CCM2L: variants seen among roughly 807,000 people sequenced by gnomAD.
CCM2L encodes the protein CCM2 like scaffold protein, also known as cerebral cavernous malformations 2 protein-like.
Under a neutral mutation model 54.1 loss-of-function variants are expected in CCM2L, and 36 were observed. The observed-to-expected ratio is 0.67, with a 90% CI of 0.51 to 0.88. The LOEUF is 0.88. Ranked by LOEUF, CCM2L falls within the 40% of genes least tolerant of loss-of-function variation. The pLI, the probability that CCM2L is intolerant of heterozygous loss-of-function variation, is 0.00. For missense variants in CCM2L, 700 were observed against 812.1 expected (o/e 0.86, Z 1.68); for synonymous variants, 351 against 359.3 (o/e 0.98, Z 0.26).
In CCM2L at chr20:32,029,716, G is replaced by A. The variant is rs939007875; in HGVS notation, c.1280G>A (p.Gly427Glu). The change falls in exon 9 of 10, where the codon GGG becomes GAG. Residue 427 changes from glycine to glutamate, a missense_variant. Physicochemically the swap from Gly to Glu is moderately conservative, Grantham distance 98. Coordinates refer to ENST00000452892, the MANE Select transcript of CCM2L (RefSeq NM_001365692.1). Reference protein sequence around the residue: ...DYMVTLRSKLGPLEIQQFAML... With the variant: ...DYMVTLRSKLEPLEIQQFAML... Reference sequence around the variant, plus strand: ...CCCACATAGTTGCGGAGTAAGCTGGGGCCCCTCGAGATCCAGCAGTTTGCG... The same window carrying A: ...CCCACATAGTTGCGGAGTAAGCTGGAGCCCCTCGAGATCCAGCAGTTTGCG... The A allele has an allele frequency of 6.2e-7, 1 of 1,611,422 alleles. No individual in the cohort carries two copies. Among genetic ancestry groups the A allele is most frequent in the Non-Finnish European group, 8.5e-7 (1 of 1,178,634 alleles).
intron 5 of CCM2L, 120 bp from the exon 6 acceptor site, chr20:32,022,540 A>G (rs1568920565): frequency 1.7e-6 from 2 of 1,172,722 alleles, no homozygotes; most frequent in East Asian, 5.1e-5. Flanking sequence ...TTGAAAGCCA[A>G]TTTAAAGGGC....
chr20:32,026,121 C>G (rs577989741), intron 7 of CCM2L, among the ~76,000 whole-genome samples: 1 of 152,338 alleles, frequency 6.6e-6, no homozygotes, highest in South Asian at 2.1e-4. Context: ...CACCAGAACT[C>G]AGATGTGGGT....
chr20:32,013,513 C>A (rs2064711558), intron 1 of CCM2L, among the ~76,000 whole-genome samples: 1 of 152,134 alleles, frequency 6.6e-6, no homozygotes, highest in South Asian at 2.1e-4. Flanking sequence ...GCAATCGCAG[C>A]TCACAGCAGC....
Position 32,017,876 on chromosome 20 carries a change from C to T in CCM2L, c.275C>T (p.Thr92Ile), listed in dbSNP as rs1327319679. Residue 92 changes from threonine (T) to isoleucine (I), a missense_variant, in exon 3 of 10, where the codon ACC (threonine) becomes ATC (isoleucine). Thr to Ile is a moderately conservative substitution (Grantham distance 89). Transcript: ENST00000452892. ...SRDELLQLLDTARQLKELPLK... is the reference protein window; with the variant it reads ...SRDELLQLLDIARQLKELPLK... Reference sequence around the variant, plus strand: ...GACGAGCTCCTGCAGCTGCTAGACACCGCCAGGGTGAGACTCTGGGGAGGG... The same window carrying T: ...GACGAGCTCCTGCAGCTGCTAGACATCGCCAGGGTGAGACTCTGGGGAGGG... 1 of 1,613,982 alleles carries T rather than the reference C, an allele frequency of 6.2e-7. No individual in the cohort carries two copies. The highest frequency in any genetic ancestry group is 8.5e-7 in the Non-Finnish European group (1 of 1,179,964).
intron 8 of CCM2L, 30 bp from the exon 9 acceptor site, chr20:32,029,670 G>A: frequency 6.3e-7 from 1 of 1,577,918 alleles, no homozygotes; most frequent in South Asian, 1.2e-5. Context: ...TGCTTCCTGG[G>A]ATTGATCTCG....
chr20:32,021,025 AC>A (rs2064801831), intron 5 of CCM2L, among the ~76,000 whole-genome samples: 1 of 150,984 alleles, frequency 6.6e-6, no homozygotes, highest in Non-Finnish European at 1.5e-5. Flanking sequence ...CCCTGTACCC[AC>A]CCAGGTCCAT....
intron 5 of CCM2L, 73 bp from the exon 6 acceptor site, chr20:32,022,587 C>T (rs764638443): frequency 1.3e-6 from 2 of 1,560,468 alleles, no homozygotes; most frequent in African/African-American, 1.4e-5. Context: ...TCTTCACACA[C>T]TGTTTTAGGA....
At position 32,019,140 on chromosome 20, in the gene CCM2L, G is replaced by C; in HGVS notation, c.664G>C (p.Gly222Arg). 1 of 1,136,526 alleles carries C rather than the reference G, an allele frequency of 8.8e-7. No homozygotes were observed. The highest frequency in any genetic ancestry group is 1.1e-6 in the Non-Finnish European group (1 of 924,490). 70.4% of individuals were successfully genotyped at this position (1,136,526 alleles called of 1,614,324 possible). A position where few individuals can be genotyped will look rare whatever the true frequency, so the allele number is the denominator to read the frequency against. Residue 222 changes from glycine to arginine, a missense_variant, in exon 5 of 10, where the codon GGC becomes CGC. Coordinates refer to ENST00000452892, the MANE Select transcript of CCM2L (RefSeq NM_001365692.1). ...AEARAGGGGG[G>R]SLERQRAGAR... ...GGCCCGGGCCGGGGGAGGCGGCGGCGGCAGCTTGGAGCGCCAGCGCGCCGG... is the reference window on the plus strand; with the variant it reads ...GGCCCGGGCCGGGGGAGGCGGCGGCCGCAGCTTGGAGCGCCAGCGCGCCGG...
At chr20:32,026,680 A>G (rs992316347) in intron 7 of CCM2L, among the ~76,000 whole-genome samples, 3 of 152,176 alleles carry the variant, frequency 2.0e-5, no homozygotes, top group Non-Finnish European at 4.4e-5. Context: ...GTTCCAAACC[A>G]TCCTGGGCAA....
Position 32,019,141 on chromosome 20 carries a change from G to A in CCM2L, c.665G>A (p.Gly222Asp). The A allele has an allele frequency of 1.8e-6, 2 of 1,131,352 alleles. No homozygotes were observed. Among genetic ancestry groups the A allele is most frequent in the Non-Finnish European group, 2.2e-6 (2 of 920,526 alleles). 70.1% of individuals were successfully genotyped at this position (1,131,352 alleles called of 1,614,324 possible). The change falls in exon 5 of 10, where the codon GGC becomes GAC. Residue 222 changes from glycine (G) to aspartate (D), a missense_variant. Gly to Asp is a moderately conservative substitution (Grantham distance 94). Transcript: ENST00000452892. The part of the protein sequence containing the change: ...AEARAGGGGG[G>D]SLERQRAGAR... ...GCCCGGGCCGGGGGAGGCGGCGGCG[G>A]CAGCTTGGAGCGCCAGCGCGCCGGG...
At chr20:32,028,707 AG>A (rs894818421) in intron 7 of CCM2L, 4 of 430,624 alleles carry the variant, frequency 9.3e-6, no homozygotes, top group Non-Finnish European at 1.7e-5. Flanking sequence ...GCTGTGCAAA[AG>A]GGAGGGGAAA....
At position 32,029,828 on chromosome 20, in the gene CCM2L, C is replaced by T. The variant is rs1307483014; in HGVS notation, c.1392C>T (p.Phe464=). The change falls in exon 9 of 10, where the codon TTC becomes TTT. Residue 464 remains phenylalanine (F), a synonymous_variant. Coordinates refer to ENST00000452892, the MANE Select transcript of CCM2L (RefSeq NM_001365692.1). ...AGCTCTACGGAGACCGGCGCAAGTT[C>T]CTCCTCCTTGGTGAGCCCCCGCTGT... ...LLKLYGDRRK[F]LLLGMRPFIP... is the part of the protein sequence containing the mutation. 1 of 1,603,798 alleles carries T rather than the reference C, an allele frequency of 6.2e-7. No individual in the cohort carries two copies. The highest frequency in any genetic ancestry group is 1.7e-5 in the Admixed American group (1 of 59,264).
At chr20:32,010,626 C>G (rs2122303782) in intron 1 of CCM2L, 142 bp downstream of exon 1, 1 of 783,542 alleles carries the variant, frequency 1.3e-6, no homozygotes, top group Non-Finnish European at 2.1e-6. Context: ...TTCCTTCCCA[C>G]TCTTGGACAG....
chr20:32,028,948 A>G, intron 7 of CCM2L, 47 bp from the exon 8 acceptor site: 1 of 1,610,112 alleles, frequency 6.2e-7, no homozygotes, highest in Non-Finnish European at 8.5e-7. Flanking sequence ...CCTGAGGGCC[A>G]GGAGCTGGAG....
At position 32,019,231 on chromosome 20, in the gene CCM2L, G is replaced by A; in HGVS notation, c.755G>A (p.Gly252Glu). ...AGCGGCAGCTGGGAGCGGCGGCACGGAGGCGGCGGCGGCGGCGGCGGCGCG... is the reference window on the plus strand; with the variant it reads ...AGCGGCAGCTGGGAGCGGCGGCACGAAGGCGGCGGCGGCGGCGGCGGCGCG... ...TFSGSWERRH[G>E]GGGGGGGAGK... The change falls in exon 5 of 10, where the codon GGA (glycine) becomes GAA (glutamate). Residue 252 changes from glycine to glutamate, a missense_variant. Gly to Glu is a moderately conservative substitution (Grantham distance 98). Transcript: ENST00000452892. The A allele has an allele frequency of 8.6e-7, 1 of 1,167,874 alleles. No homozygotes were observed. Among genetic ancestry groups the A allele is most frequent in the South Asian group, 4.2e-5 (1 of 23,808 alleles). 72.3% of individuals were successfully genotyped at this position (1,167,874 alleles called of 1,614,324 possible).
At chr20:32,010,699 G>A (rs376443491) in intron 1 of CCM2L, among the ~76,000 whole-genome samples, 95 of 152,188 alleles carry the variant, frequency 6.2e-4, no homozygotes, top group African/African-American at 1.3e-3. Flanking sequence ...CATCCCTAAC[G>A]TGGACAGACA....
chr20:32,015,859 C>CTTTT (rs199989562), intron 2 of CCM2L, among the ~76,000 whole-genome samples: 7 of 127,924 alleles, frequency 5.5e-5, no homozygotes, highest in Admixed American at 8.1e-5. Context: ...AGCTGTACTT[C>CTTTT]TTTTTTTTTT....
chr20:32,013,608 ATT>A (rs57281825), intron 1 of CCM2L, among the ~76,000 whole-genome samples: 12 of 146,976 alleles, frequency 8.2e-5, no homozygotes, highest in African/African-American at 3.0e-4. Context: ...CACCCGGCTA[ATT>A]TTTTTTTTTT....
chr20:32,029,393 A>T (rs1054795342), intron 8 of CCM2L, among the ~76,000 whole-genome samples: 2 of 152,178 alleles, frequency 1.3e-5, no homozygotes, highest in Non-Finnish European at 2.9e-5. Flanking sequence ...AACAACCCCA[A>T]GAAGAAAATA....
Sources: gnomAD v4.1 joint callset for allele counts (sites outside exome capture counted in the v4.1 genomes callset) on GRCh38, gnomAD v4.1.1 for gene constraint, MANE v1.5 for transcripts, NCBI Gene and HGNC (gene_info 2026-07-23, HGNC 2026-07-21) for gene names.